PPP1R21: variants seen among roughly 807,000 people sequenced by gnomAD.
The protein encoded by PPP1R21 is protein phosphatase 1 regulatory subunit 21.
In PPP1R21, 85 loss-of-function variants were observed where a neutral mutation model predicts 112.8. That is an observed-to-expected ratio of 0.75 (90% CI 0.63 to 0.90). PPP1R21 has a LOEUF of 0.90. Among genes scored for constraint, PPP1R21 ranks in the 40% least tolerant of loss-of-function variants. The pLI, the probability that PPP1R21 is intolerant of heterozygous loss-of-function variation, is 0.00. For synonymous variants in PPP1R21, 381 were observed against 322.3 expected, an observed-to-expected ratio of 1.18 and a Z score of -1.95; for missense variants, 1,199 against 901.5, an observed-to-expected ratio of 1.33 and a Z score of -4.23.
chr2:48,485,473 T>A (rs1669242188), intron 13 of PPP1R21, among the ~76,000 whole-genome samples: 1 of 152,174 alleles, frequency 6.6e-6, no homozygotes, highest in African/African-American at 2.4e-5. Flanking sequence ...CATAGTAATA[T>A]GTTAACAGTA....
rs78051312 is a variant in PPP1R21 at position 48,443,291 on chromosome 2, C to T, written c.57+2281C>T. Among the ~76,000 whole-genome samples the T allele has an allele frequency of 1.0e-2, 1,520 of 152,160 alleles. 26 individuals carry two copies. Among genetic ancestry groups the T allele is most frequent in the African/African-American group, 0.035 (1,454 of 41,496 alleles). Reference sequence around the variant, plus strand: ...CAATGAGGGCCAGCGGGAAGAAGAGCCCGTTCAGAGTGAAGGGCTATAGGA... The same window carrying T: ...CAATGAGGGCCAGCGGGAAGAAGAGTCCGTTCAGAGTGAAGGGCTATAGGA... On this transcript the variant is annotated intron_variant, in intron 1 of 21. Coordinates refer to ENST00000294952, the MANE Select transcript of PPP1R21 (RefSeq NM_001135629.3).
chr2:48,459,802 A>G lies in PPP1R21; in HGVS notation c.424A>G (p.Ser142Gly), dbSNP rs1667895505. The G allele has an allele frequency of 1.2e-6, 2 of 1,614,080 alleles. No homozygotes were observed. The highest frequency in any genetic ancestry group is 1.7e-6 in the Non-Finnish European group (2 of 1,180,036). ...CAAGCATGTGGAAGCAGAGCTGAGG[A>G]GTCGACTGGCCACTCTGGAGACAGA... ...QHKHVEAELRSRLATLETEAA... is the reference protein window; with the variant it reads ...QHKHVEAELRGRLATLETEAA... The change falls in exon 5 of 22, where the codon AGT (serine) becomes GGT (glycine). Residue 142 changes from serine to glycine, a missense_variant. Transcript: ENST00000294952.
At chr2:48,505,063 ATTAAT>A (rs1427479728) in intron 17 of PPP1R21, among the ~76,000 whole-genome samples, 7 of 152,212 alleles carry the variant, frequency 4.6e-5, no homozygotes, top group Non-Finnish European at 1.0e-4. Context: ...TTTTGTTTTC[ATTAAT>A]TTAAATCTGA....
At chr2:48,442,516 C>T (rs920140100) in intron 1 of PPP1R21, among the ~76,000 whole-genome samples, 4 of 152,236 alleles carry the variant, frequency 2.6e-5, no homozygotes, top group Middle Eastern at 6.8e-3. Context: ...ACAATATGTG[C>T]CCCCTTTGAG....
At chr2:48,444,818 G>T (rs1301061050) in intron 1 of PPP1R21, among the ~76,000 whole-genome samples, 1 of 151,984 alleles carries the variant, frequency 6.6e-6, no homozygotes, top group Non-Finnish European at 1.5e-5. Flanking sequence ...AATGGTATTG[G>T]GATAGTAGCC....
chr2:48,478,000 G>A (rs371471429), intron 12 of PPP1R21, among the ~76,000 whole-genome samples: 2 of 152,156 alleles, frequency 1.3e-5, no homozygotes, highest in African/African-American at 4.8e-5. Context: ...GAGAGATTTC[G>A]AGACAGAGAC....
At chr2:48,497,420 C>T (rs1474465345) in intron 16 of PPP1R21, among the ~76,000 whole-genome samples, 2 of 152,134 alleles carry the variant, frequency 1.3e-5, no homozygotes, top group Non-Finnish European at 2.9e-5. Context: ...CCAGTTACTG[C>T]TCTCCTCTCC....
chr2:48,448,731 AGT>A (rs1667354295), intron 1 of PPP1R21, among the ~76,000 whole-genome samples: 1 of 152,246 alleles, frequency 6.6e-6, no homozygotes, highest in Admixed American at 6.5e-5. Flanking sequence ...TTGCTTAAAA[AGT>A]AGAACACTAC....
chr2:48,442,251 T>C (rs1667062245), intron 1 of PPP1R21, among the ~76,000 whole-genome samples: 1 of 152,230 alleles, frequency 6.6e-6, no homozygotes, highest in African/African-American at 2.4e-5. Flanking sequence ...AATTTGGCTC[T>C]ACTATTTTTG....
chr2:48,505,458 C>A (rs1670330898), intron 17 of PPP1R21, 106 bp from the exon 18 acceptor site: 9 of 816,096 alleles, frequency 1.1e-5, no homozygotes, highest in African/African-American at 1.7e-5. Flanking sequence ...AGTTCTGTAC[C>A]CTCAATGCTC....
In PPP1R21 at chr2:48,495,862, A is replaced by G; in HGVS notation, c.1692+91A>G. 4.1e-6 allele frequency: 3 copies of G among 727,994 alleles called. No homozygotes were observed. In the Admixed American group the frequency reaches 6.7e-5, roughly 16 times the overall value. 45.1% of individuals were successfully genotyped at this position (727,994 alleles called of 1,614,324 possible). On this transcript the variant is annotated intron_variant, in intron 16 of 21. Coordinates refer to ENST00000294952, the MANE Select transcript of PPP1R21 (RefSeq NM_001135629.3). ...TTTTAAGATACGTAGAATGATTCAA[A>G]AGTCTGCATAAATAAACATGTGAAA...
intron 1 of PPP1R21, among the ~76,000 whole-genome samples, chr2:48,443,392 G>T (rs912950707): frequency 6.6e-6 from 1 of 152,234 alleles, no homozygotes; most frequent in Non-Finnish European, 1.5e-5. Context: ...TTAGTATGAG[G>T]TAATGTTGGA....
chr2:48,454,557 T>C, intron 2 of PPP1R21, 38 bp from the exon 3 acceptor site: 2 of 1,612,978 alleles, frequency 1.2e-6, no homozygotes, highest in East Asian at 4.5e-5. Flanking sequence ...ACCTTACAGC[T>C]AAACTGTGAG....
At chr2:48,497,080 G>A (rs904913386) in intron 16 of PPP1R21, among the ~76,000 whole-genome samples, 9 of 152,156 alleles carry the variant, frequency 5.9e-5, no homozygotes, top group East Asian at 3.9e-4. Flanking sequence ...ATTTAAAGCC[G>A]GTTAGTCACA....
intron 9 of PPP1R21, among the ~76,000 whole-genome samples, chr2:48,468,035 G>T (rs1668281335): frequency 6.6e-6 from 1 of 152,144 alleles, no homozygotes; most frequent in South Asian, 2.1e-4. Context: ...GTGCCTATTA[G>T]TGCAGCAAAG....
intron 3 of PPP1R21, chr2:48,457,910 C>A (rs771527358): frequency 1.5e-5 from 7 of 481,040 alleles, no homozygotes; most frequent in Non-Finnish European, 2.0e-5. Flanking sequence ...TTTTCTCTCT[C>A]TTTTTAAAGC....
chr2:48,448,183 C>A (rs1019855685), intron 1 of PPP1R21, among the ~76,000 whole-genome samples: 15 of 152,102 alleles, frequency 9.9e-5, no homozygotes, highest in Admixed American at 9.2e-4. Flanking sequence ...TTTCAGATAA[C>A]AGTTTCTTAA....
chr2:48,446,008 G>A (rs1449925388), intron 1 of PPP1R21, among the ~76,000 whole-genome samples: 1 of 152,146 alleles, frequency 6.6e-6, no homozygotes, highest in Non-Finnish European at 1.5e-5. Context: ...GTTTTGGTGT[G>A]GCATAGGGTT....
At chr2:48,479,218 G>T (rs1668894571) in intron 12 of PPP1R21, among the ~76,000 whole-genome samples, 2 of 152,224 alleles carry the variant, frequency 1.3e-5, no homozygotes, top group South Asian at 4.1e-4. Context: ...TTCAGCAACA[G>T]GTAGCTGGGA....
Sources: allele counts gnomAD v4.1 joint callset (sites outside exome capture counted in the v4.1 genomes callset), GRCh38; gene constraint gnomAD v4.1.1; transcripts MANE v1.5; gene names NCBI Gene and HGNC (gene_info 2026-07-23, HGNC 2026-07-21).